TMEM209: variants seen among roughly 807,000 people sequenced by gnomAD.
The protein encoded by TMEM209 is testicular tissue protein Li 202.
In TMEM209, 65 loss-of-function variants were observed where a neutral mutation model predicts 76.2. The ratio of observed to expected loss-of-function variants is 0.85; its 90% CI spans 0.70 to 1.05. The LOEUF (loss-of-function observed/expected upper bound fraction) is 1.05, where lower values mean the gene tolerates loss of function less well. TMEM209 is among the 50% of genes least tolerant of loss of function. The pLI is 0.00. For missense variants in TMEM209, 623 were observed against 685.5 expected (o/e 0.91, Z 1.02); for synonymous variants, 239 against 237.6 (o/e 1.01, Z -0.06).
chr7:130,170,295 T>A, intron 14 of TMEM209, 105 bp downstream of exon 14: 1 of 933,116 alleles, frequency 1.1e-6, no homozygotes, highest in Non-Finnish European at 1.6e-6. Flanking sequence ...TATCTATTGT[T>A]CAATCCATAA....
intron 11 of TMEM209, 113 bp downstream of exon 11, chr7:130,175,399 C>A: frequency 1.0e-6 from 1 of 952,646 alleles, no homozygotes; most frequent in Non-Finnish European, 1.6e-6. Flanking sequence ...GAGATCAAAG[C>A]TGCAGTGAGA....
chr7:130,205,078 C>A, intron 1 of TMEM209: 1 of 1,395,698 alleles, frequency 7.2e-7, no homozygotes, highest in South Asian at 1.6e-5. Flanking sequence ...TCAACTCTTA[C>A]AGACCGTGCA....
intron 1 of TMEM209, chr7:130,205,006 G>GA: frequency 8.4e-7 from 1 of 1,185,668 alleles, no homozygotes. Context: ...GGAGAGAGGG[G>GA]AAAACGTGCA....
intron 8 of TMEM209, among the ~76,000 whole-genome samples, chr7:130,183,263 T>C (rs1364583277): frequency 6.6e-6 from 1 of 152,124 alleles, no homozygotes; most frequent in African/African-American, 2.4e-5. Flanking sequence ...CTGTGACAAA[T>C]GGTACAAAAG....
chr7:130,195,519 CT>C (rs1797940144), intron 5 of TMEM209, among the ~76,000 whole-genome samples: 1 of 151,686 alleles, frequency 6.6e-6, no homozygotes, highest in Non-Finnish European at 1.5e-5. Context: ...TAGGAAACAG[CT>C]TTTCGAACTT....
At chr7:130,200,217 AC>A in intron 5 of TMEM209, among the ~76,000 whole-genome samples, 1 of 152,202 alleles carries the variant, frequency 6.6e-6, no homozygotes, top group Non-Finnish European at 1.5e-5. Flanking sequence ...GAGGATACAG[AC>A]CCAAAAGACA....
intron 10 of TMEM209, among the ~76,000 whole-genome samples, chr7:130,176,470 T>C (rs185299491): frequency 6.6e-6 from 1 of 152,202 alleles, no homozygotes; most frequent in Non-Finnish European, 1.5e-5. Context: ...AACCTTTATA[T>C]ACTTTGTATA....
chr7:130,186,258 A>G (rs1394758041), intron 6 of TMEM209, among the ~76,000 whole-genome samples: 1 of 152,230 alleles, frequency 6.6e-6, no homozygotes, highest in East Asian at 1.9e-4. Flanking sequence ...AGGAATGACT[A>G]GAAAATAATA....
At chr7:130,185,504 T>A (rs1797569610) in intron 6 of TMEM209, 137 bp from the exon 7 acceptor site, 2 of 750,750 alleles carry the variant, frequency 2.7e-6, no homozygotes, top group African/African-American at 1.7e-5. Flanking sequence ...CCAACATAAT[T>A]TTCTCTTTAG....
intron 9 of TMEM209, among the ~76,000 whole-genome samples, chr7:130,180,131 G>GTA (rs1277662420): frequency 6.6e-6 from 1 of 152,144 alleles, no homozygotes; most frequent in African/African-American, 2.4e-5. Context: ...CTAAGTTATA[G>GTA]TATATATATT....
chr7:130,175,431 C>A, intron 11 of TMEM209, 81 bp downstream of exon 11: 1 of 1,350,590 alleles, frequency 7.4e-7, no homozygotes, highest in South Asian at 1.3e-5. Flanking sequence ...CACTGCACTA[C>A]AGCCTGGGTG....
intron 13 of TMEM209, among the ~76,000 whole-genome samples, chr7:130,171,552 A>C (rs1414115280): frequency 6.6e-6 from 1 of 152,256 alleles, no homozygotes; most frequent in Non-Finnish European, 1.5e-5. Flanking sequence ...CAAGAACTTC[A>C]ATGGCCCAAA....
At chr7:130,204,743 G>T (rs1324631011) in intron 1 of TMEM209, among the ~76,000 whole-genome samples, 4 of 152,230 alleles carry the variant, frequency 2.6e-5, no homozygotes, top group Middle Eastern at 3.4e-3. Context: ...TTGTCTTTGG[G>T]GTATGTTACA....
chr7:130,194,577 T>A (rs1797908533), intron 5 of TMEM209, among the ~76,000 whole-genome samples: 1 of 152,222 alleles, frequency 6.6e-6, no homozygotes, highest in Non-Finnish European at 1.5e-5. Context: ...TACATAGCTT[T>A]GTCAATGTTA....
intron 8 of TMEM209, among the ~76,000 whole-genome samples, chr7:130,183,598 C>T (rs1378467547): frequency 2.6e-5 from 4 of 152,182 alleles, no homozygotes; most frequent in South Asian, 2.1e-4. Context: ...AGTGGAGCTC[C>T]GTATAGTGGA....
chr7:130,201,350 T>C (rs1798192247), intron 5 of TMEM209, among the ~76,000 whole-genome samples: 1 of 152,040 alleles, frequency 6.6e-6, no homozygotes, highest in South Asian at 2.1e-4. Flanking sequence ...AAATTTCACA[T>C]TACTGTGGGA....
At chr7:130,196,339 T>TC (rs955230591) in intron 5 of TMEM209, among the ~76,000 whole-genome samples, 12 of 149,042 alleles carry the variant, frequency 8.1e-5, no homozygotes, top group Non-Finnish European at 1.2e-4. Context: ...TTTTTTTTTT[T>TC]CCAAGAAAAG....
intron 9 of TMEM209, among the ~76,000 whole-genome samples, chr7:130,180,575 G>A (rs1382633065): frequency 6.6e-6 from 1 of 151,962 alleles, no homozygotes; most frequent in Non-Finnish European, 1.5e-5. Context: ...CACCATGTTG[G>A]CCAGGCTGGT....
In TMEM209 at chr7:130,184,269, T is replaced by G. The variant is rs747332812; in HGVS notation, c.952-14A>C. 1 of 1,571,744 alleles carries G rather than the reference T, an allele frequency of 6.4e-7. No homozygotes were observed. Among genetic ancestry groups the G allele is most frequent in the South Asian group, 1.2e-5 (1 of 84,934 alleles). ...TCTTGCCCAGACCTATAAAAATTCA[T>G]GTTTAAAATGAACAATCAGTGAGGA... On this transcript the variant is annotated splice_polypyrimidine_tract_variant and intron_variant, in intron 7 of 14. Coordinates refer to ENST00000397622, the MANE Select transcript of TMEM209 (RefSeq NM_032842.4).
Sources: gnomAD v4.1 joint callset for allele counts (sites outside exome capture counted in the v4.1 genomes callset) on GRCh38, gnomAD v4.1.1 for gene constraint, MANE v1.5 for transcripts, NCBI Gene and HGNC (gene_info 2026-07-23, HGNC 2026-07-21) for gene names.